LUZP1: variants seen among roughly 807,000 people sequenced by gnomAD.
The protein encoded by LUZP1 is leucine zipper protein 1.
LUZP1 carries 25 observed loss-of-function variants against 71.3 expected under a neutral mutation model. That is an observed-to-expected ratio of 0.35 (90% CI 0.26 to 0.49). LUZP1 has a LOEUF of 0.49. LUZP1 is among the 20% of genes least tolerant of loss of function. The probability of loss-of-function intolerance (pLI) is 0.99; values close to 1 mark genes in which losing one functional copy is unlikely to be tolerated. For missense variants in LUZP1, 1,142 were observed against 1,300.8 expected (o/e 0.88, Z 1.88); for synonymous variants, 481 against 506.4 (o/e 0.95, Z 0.67).
At chr1:23,135,672 C>G (rs1003651602) in intron 2 of LUZP1, among the ~76,000 whole-genome samples, 1 of 152,032 alleles carries the variant, frequency 6.6e-6, no homozygotes, top group African/African-American at 2.4e-5. Flanking sequence ...TCATAGGTAG[C>G]CAATTCAAGA....
At chr1:23,139,453 C>T (rs1644286100) in intron 2 of LUZP1, among the ~76,000 whole-genome samples, 2 of 152,092 alleles carry the variant, frequency 1.3e-5, no homozygotes, top group African/African-American at 4.8e-5. Context: ...TTTTCTTCTA[C>T]CTTCACTACC....
At chr1:23,122,022 A>T (rs113352828) in intron 2 of LUZP1, among the ~76,000 whole-genome samples, 3,509 of 152,040 alleles carry the variant, frequency 0.023, 45 homozygotes, top group African/African-American at 0.028. Flanking sequence ...AAAAATAAAT[A>T]AATTAATTAA....
Position 23,093,399 on chromosome 1 carries a change from A to T in LUZP1, c.863T>A (p.Val288Asp), listed in dbSNP as rs368562864. 6.2e-7 allele frequency: 1 copy of T among 1,613,604 alleles called. No homozygotes were observed. The highest frequency in any genetic ancestry group is 8.5e-7 in the Non-Finnish European group (1 of 1,179,950). ...CTCAATCTCTTGGTTAAGGTCTTTGACTTTGTTGTCTTCCTGATTGCGGTT... is the reference window on the plus strand; with the variant it reads ...CTCAATCTCTTGGTTAAGGTCTTTGTCTTTGTTGTCTTCCTGATTGCGGTT... Residue 288 changes from valine to aspartate, a missense_variant, in exon 4 of 5, where the codon GTC becomes GAC. Coordinates refer to ENST00000302291, the Ensembl canonical transcript of LUZP1. The surrounding 1 kb of genome is among the most constrained non-coding windows in gnomAD (Gnocchi z 4.2).
intron 2 of LUZP1, among the ~76,000 whole-genome samples, chr1:23,122,423 GCACGAGGGTT>G (rs1169558873): frequency 2.0e-5 from 3 of 152,200 alleles, no homozygotes; most frequent in Non-Finnish European, 4.4e-5. Flanking sequence ...CAGTGACTTA[GCACGAGGGTT>G]CTCTCTGCTC....
intron 2 of LUZP1, among the ~76,000 whole-genome samples, chr1:23,126,563 G>A (rs1042893440): frequency 1.3e-5 from 2 of 152,066 alleles, no homozygotes; most frequent in Admixed American, 6.5e-5. Context: ...ATTAGAAAAG[G>A]GGCTTCCCCA....
At chr1:23,146,267 C>T (rs977863496) in intron 2 of LUZP1, among the ~76,000 whole-genome samples, 1 of 152,196 alleles carries the variant, frequency 6.6e-6, no homozygotes, top group African/African-American at 2.4e-5. Context: ...CTGCCTGCCT[C>T]AGACACCCAA....
At chr1:23,103,078 C>T (rs895600317) in intron 3 of LUZP1, among the ~76,000 whole-genome samples, 1 of 150,484 alleles carries the variant, frequency 6.6e-6, no homozygotes, top group Middle Eastern at 3.4e-3. Flanking sequence ...GACTCAGACA[C>T]ATGCCACCAT....
At chr1:23,152,208 C>A (rs1225881594) in intron 2 of LUZP1, among the ~76,000 whole-genome samples, 1 of 152,108 alleles carries the variant, frequency 6.6e-6, no homozygotes, top group Non-Finnish European at 1.5e-5. Context: ...AAAGTCCTCT[C>A]TATCTAACAG....
chr1:23,097,580 A>G (rs111865556), intron 3 of LUZP1, among the ~76,000 whole-genome samples: 1 of 152,316 alleles, frequency 6.6e-6, no homozygotes, highest in African/African-American at 2.4e-5. Flanking sequence ...GCCGAGTGCA[A>G]TGACTCATAT....
At chr1:23,162,243 G>A (rs1389420788) in intron 2 of LUZP1, among the ~76,000 whole-genome samples, 1 of 151,870 alleles carries the variant, frequency 6.6e-6, no homozygotes, top group Non-Finnish European at 1.5e-5. Context: ...GTGGTAGAGG[G>A]GAGACAGGAA....
intron 2 of LUZP1, among the ~76,000 whole-genome samples, chr1:23,131,834 T>C (rs1644217982): frequency 6.6e-6 from 1 of 152,126 alleles, no homozygotes; most frequent in African/African-American, 2.4e-5. Flanking sequence ...TACAGGCGCA[T>C]GCCATCACAC....
chr1:23,139,019 A>AAAAAAAATATAT (rs1317355746), intron 2 of LUZP1, among the ~76,000 whole-genome samples: 12 of 59,948 alleles, frequency 2.0e-4, no homozygotes, highest in African/African-American at 6.5e-4. Context: ...AAAAAAAAAA[A>AAAAAAAATATAT]ATATATATAT....
chr1:23,126,039 T>C (rs981292919), intron 2 of LUZP1, among the ~76,000 whole-genome samples: 3 of 152,244 alleles, frequency 2.0e-5, no homozygotes, highest in Non-Finnish European at 4.4e-5. Flanking sequence ...CTGATACAGA[T>C]AGTCCACAGA....
At chr1:23,091,786 C>A (rs759472987) in exon 4 of LUZP1, 4 of 1,614,112 alleles carry the variant, frequency 2.5e-6, no homozygotes, top group South Asian at 1.1e-5. Context: ...GCCAGCCCCA[C>A]CTGGATATTG....
chr1:23,172,441 T>C (rs1488390089), intron 1 of LUZP1, among the ~76,000 whole-genome samples: 1 of 152,062 alleles, frequency 6.6e-6, no homozygotes, highest in African/African-American at 2.4e-5. Context: ...GGAAGATTAC[T>C]TGAGACCAGG....
exon 5 of LUZP1, chr1:23,084,217 A>C (rs1348718037): frequency 6.6e-6 from 1 of 152,192 alleles, no homozygotes; most frequent in Non-Finnish European, 1.5e-5. Context: ...AATCTATTCG[A>C]AAGTTCTGGA....
At position 23,093,078 on chromosome 1, in the gene LUZP1, G is replaced by A; in HGVS notation, c.1184C>T (p.Pro395Leu). The change falls in exon 4 of 5, where the codon CCT becomes CTT. Residue 395 changes from proline (P) to leucine (L), a missense_variant. Coordinates refer to ENST00000302291, the Ensembl canonical transcript of LUZP1. The surrounding 1 kb of genome is among the most constrained non-coding windows in gnomAD (Gnocchi z 4.2). ...CCGGAGTCGTTCCCGCTTATGCTGAGGAGACAGTTCCCGCGCTGTGTGCTT... is the reference window on the plus strand; with the variant it reads ...CCGGAGTCGTTCCCGCTTATGCTGAAGAGACAGTTCCCGCGCTGTGTGCTT... The A allele has an allele frequency of 6.2e-7, 1 of 1,614,110 alleles. No individual in the cohort carries two copies. Among genetic ancestry groups the A allele is most frequent in the African/African-American group, 1.3e-5 (1 of 75,036 alleles).
At chr1:23,159,634 A>G (rs978237778) in intron 2 of LUZP1, among the ~76,000 whole-genome samples, 3 of 152,256 alleles carry the variant, frequency 2.0e-5, no homozygotes, top group African/African-American at 7.2e-5. Context: ...ATGAGTAAAT[A>G]AACTAATGTA....
chr1:23,171,444 C>T (rs150535867), intron 1 of LUZP1, among the ~76,000 whole-genome samples: 1 of 152,300 alleles, frequency 6.6e-6, no homozygotes, highest in Non-Finnish European at 1.5e-5. Context: ...TGCAGCACAG[C>T]TGACCCATTT....
Sources: gnomAD v4.1 joint callset for allele counts (sites outside exome capture counted in the v4.1 genomes callset) on GRCh38, gnomAD v4.1.1 for gene constraint, Gnocchi (gnomAD v3.1) non-coding constraint, MANE v1.5 for transcripts, NCBI Gene and HGNC (gene_info 2026-07-23, HGNC 2026-07-21) for gene names.